Variants in CHKA observed in about 807,000 individuals in gnomAD.
The protein encoded by CHKA is CHETK-alpha.
CHKA carries 34 observed loss-of-function variants against 60.1 expected under a neutral mutation model. The ratio of observed to expected loss-of-function variants is 0.57; its 90% CI spans 0.43 to 0.75. The LOEUF is 0.75. Among genes scored for constraint, CHKA ranks in the 30% least tolerant of loss-of-function variants. The pLI is 0.00. For missense variants in CHKA, 563 were observed against 561.3 expected, an observed-to-expected ratio of 1.00 and a Z score of -0.03; for synonymous variants, 217 against 223.1, an observed-to-expected ratio of 0.97 and a Z score of 0.24.
chr11:68,069,443 T>C (rs1024243839), intron 6 of CHKA, among the ~76,000 whole-genome samples: 2 of 152,120 alleles, frequency 1.3e-5, no homozygotes, highest in East Asian at 3.9e-4. Flanking sequence ...TCCTAGCACT[T>C]TGGGAGGCCG....
In CHKA at chr11:68,101,873, G is replaced by A. The variant is rs138949030; in HGVS notation, c.351-4743C>T. On this transcript the variant is annotated intron_variant, in intron 1 of 11. Transcript: ENST00000265689. The stretch of plus-strand genomic sequence containing the variant: ...CCAACACTTTGGGAGGCTGAGGTGG[G>A]CTGATCACCTGAGGCCAGGAGTTCA... Among the ~76,000 whole-genome samples the A allele has an allele frequency of 6.0e-4, 91 of 152,222 alleles. 1 individual carries two copies. The East Asian group carries it at 0.017, about 28-fold the overall frequency.
chr11:68,061,921 A>G (rs977256631), intron 11 of CHKA, 32 bp downstream of exon 11: 58 of 1,463,322 alleles, frequency 4.0e-5, no homozygotes, highest in Middle Eastern at 1.7e-4. Flanking sequence ...AGTAGGAAGA[A>G]AAAAAAAAAC....
At chr11:68,060,439 T>C (rs1215920319) in intron 11 of CHKA, among the ~76,000 whole-genome samples, 1 of 152,150 alleles carries the variant, frequency 6.6e-6, no homozygotes, top group South Asian at 2.1e-4. Context: ...CCTCCCTAAG[T>C]ACCTGGGATT....
intron 2 of CHKA, among the ~76,000 whole-genome samples, chr11:68,093,304 T>C (rs140328217): frequency 1.3e-5 from 2 of 152,286 alleles, no homozygotes; most frequent in African/African-American, 4.8e-5. Flanking sequence ...CCAGCCCTAA[T>C]TTCCCTTTCT....
At chr11:68,087,360 T>C (rs564484395) in intron 2 of CHKA, among the ~76,000 whole-genome samples, 124 of 152,156 alleles carry the variant, frequency 8.1e-4, no homozygotes, top group African/African-American at 2.9e-3. Flanking sequence ...CAAGTGCCTG[T>C]AATCTCAGCT....
chr11:68,095,334 C>CAGAG, intron 2 of CHKA, among the ~76,000 whole-genome samples: 1 of 126,258 alleles, frequency 7.9e-6, no homozygotes, highest in Non-Finnish European at 1.6e-5. Flanking sequence ...ACCCAGGAGG[C>CAGAG]GCAGCTTGCA....
At chr11:68,076,644 C>G (rs1397472953) in intron 3 of CHKA, among the ~76,000 whole-genome samples, 1 of 151,606 alleles carries the variant, frequency 6.6e-6, no homozygotes, top group East Asian at 1.9e-4. Context: ...GTGCTGGACT[C>G]GGAAGTTCAG....
chr11:68,074,878 C>T (rs888467917), intron 3 of CHKA, 48 bp from the exon 4 acceptor site: 38 of 1,573,118 alleles, frequency 2.4e-5, no homozygotes, highest in South Asian at 5.6e-5. Context: ...GTTTGCTAAG[C>T]GCCAGGCATC....
chr11:68,104,226 A>C (rs1050418657), intron 1 of CHKA, among the ~76,000 whole-genome samples: 5 of 152,192 alleles, frequency 3.3e-5, no homozygotes, highest in South Asian at 2.1e-4. Flanking sequence ...TAAGCAAAGT[A>C]AGTCAGGCAC....
intron 1 of CHKA, 64 bp downstream of exon 1, chr11:68,120,764 C>G (rs1473036913): frequency 1.3e-6 from 1 of 768,202 alleles, no homozygotes; most frequent in African/African-American, 1.9e-5. Context: ...CTGCCCGGAC[C>G]CCGCCCCGGC....
At chr11:68,098,258 G>C (rs1459458780) in intron 1 of CHKA, among the ~76,000 whole-genome samples, 1 of 124,806 alleles carries the variant, frequency 8.0e-6, no homozygotes, top group Non-Finnish European at 1.6e-5. Flanking sequence ...GCGACAGAGT[G>C]AGACTCCTAT....
intron 1 of CHKA, among the ~76,000 whole-genome samples, chr11:68,116,144 A>T (rs892640185): frequency 1.1e-4 from 16 of 152,312 alleles, no homozygotes; most frequent in African/African-American, 3.6e-4. Context: ...GGTCTGTGGA[A>T]CGTAATGTCA....
intron 1 of CHKA, among the ~76,000 whole-genome samples, chr11:68,102,761 C>A (rs1857773668): frequency 1.3e-5 from 2 of 152,010 alleles, no homozygotes; most frequent in African/African-American, 2.4e-5. Context: ...GAAGAAACAA[C>A]CTACAGAATG....
intron 1 of CHKA, among the ~76,000 whole-genome samples, chr11:68,106,860 G>A (rs1857933236): frequency 6.6e-6 from 1 of 152,208 alleles, no homozygotes; most frequent in Non-Finnish European, 1.5e-5. Flanking sequence ...ATTCTTTGCT[G>A]AGGGGCAAAG....
intron 1 of CHKA, among the ~76,000 whole-genome samples, chr11:68,118,839 A>G (rs758451518): frequency 2.0e-5 from 3 of 152,212 alleles, no homozygotes; most frequent in Non-Finnish European, 2.9e-5. Flanking sequence ...GCAAAATGCA[A>G]AAGTTTAACT....
intron 1 of CHKA, among the ~76,000 whole-genome samples, chr11:68,117,546 G>A (rs577174864): frequency 1.3e-4 from 20 of 152,098 alleles, no homozygotes; most frequent in Non-Finnish European, 1.9e-4. Context: ...AAAATTAGCC[G>A]GATGTGGTGG....
At chr11:68,077,020 C>T (rs1224808100) in intron 3 of CHKA, among the ~76,000 whole-genome samples, 1 of 152,082 alleles carries the variant, frequency 6.6e-6, no homozygotes, top group Admixed American at 6.6e-5. Flanking sequence ...GGCAGATCAC[C>T]TGAGGTCAGG....
rs1483975538 is a variant in CHKA, at chr11:68,089,228, T to C, written c.463-7771A>G. 5.3e-5 allele frequency among the ~76,000 whole-genome samples: 8 copies of C among 152,308 alleles called. No homozygotes were observed. In the South Asian group the frequency reaches 1.7e-3, roughly 32 times the overall value. The stretch of plus-strand genomic sequence containing the variant: ...AATCTATGTCTGATCTAGGGCAACC[T>C]GCTGACCCAACACTCCTCAGACTTC... On this transcript the variant is annotated intron_variant, in intron 2 of 11. Coordinates refer to ENST00000265689, the MANE Select transcript of CHKA (RefSeq NM_001277.3).
intron 1 of CHKA, among the ~76,000 whole-genome samples, chr11:68,116,008 T>C: frequency 6.6e-6 from 1 of 152,182 alleles, no homozygotes; most frequent in East Asian, 1.9e-4. Context: ...TTTTACTGCA[T>C]TAATTTTACA....
Sources: gnomAD v4.1 joint callset for allele counts (sites outside exome capture counted in the v4.1 genomes callset) on GRCh38, gnomAD v4.1.1 for gene constraint, MANE v1.5 for transcripts, NCBI Gene and HGNC (gene_info 2026-07-23, HGNC 2026-07-21) for gene names.